The following ANTXRL variants were observed in gnomAD, a reference collection of about 807,000 sequenced individuals.
ANTXRL encodes the protein anthrax toxin receptor-like.
In ANTXRL, 63 loss-of-function variants were observed where a neutral mutation model predicts 75.4. The ratio of observed to expected loss-of-function variants is 0.84; its 90% CI spans 0.68 to 1.03. The LOEUF (loss-of-function observed/expected upper bound fraction) is 1.03, where lower values mean the gene tolerates loss of function less well. Among genes scored for constraint, ANTXRL ranks in the 50% least tolerant of loss-of-function variants. The pLI is 0.00. For synonymous variants in ANTXRL, 335 were observed against 291.3 expected (o/e 1.15, Z -1.53); for missense variants, 797 against 789.4 (o/e 1.01, Z -0.12).
At chr10:46,319,857 T>C (rs929569070) in intron 16 of ANTXRL, among the ~76,000 whole-genome samples, 6 of 152,168 alleles carry the variant, frequency 3.9e-5, no homozygotes, top group African/African-American at 1.4e-4. Flanking sequence ...AAAACAGTAA[T>C]ACCAGCCAGC....
chr10:46,294,330 G>C (rs1289189722), intron 3 of ANTXRL, among the ~76,000 whole-genome samples: 1 of 152,138 alleles, frequency 6.6e-6, no homozygotes, highest in Non-Finnish European at 1.5e-5. Flanking sequence ...CTGGTGGTGG[G>C]AGTAGTGGGG....
chr10:46,294,460 C>G (rs1477554334), intron 3 of ANTXRL, among the ~76,000 whole-genome samples: 1 of 151,920 alleles, frequency 6.6e-6, no homozygotes, highest in Non-Finnish European at 1.5e-5. Context: ...GGCTGGAGCC[C>G]AGGCCCAGCA....
At chr10:46,297,522 C>T in intron 7 of ANTXRL, 48 bp downstream of exon 7, 1 of 1,525,820 alleles carries the variant, frequency 6.6e-7, no homozygotes, top group Non-Finnish European at 8.8e-7. Context: ...CTAGTGGTCA[C>T]TTTCGAGCCA....
chr10:46,288,476 C>T (rs1836851811), intron 1 of ANTXRL, among the ~76,000 whole-genome samples: 1 of 152,104 alleles, frequency 6.6e-6, no homozygotes, highest in African/African-American at 2.4e-5. Flanking sequence ...TCTCATTCCT[C>T]CTGGATACTA....
At chr10:46,306,736 A>G (rs1251742152) in intron 10 of ANTXRL, 67 bp from the exon 11 acceptor site, 5 of 1,358,396 alleles carry the variant, frequency 3.7e-6, no homozygotes, top group African/African-American at 2.9e-5. Flanking sequence ...CATGCTGAGG[A>G]CAGACATGGG....
chr10:46,322,977 C>T (rs1339987081), intron 16 of ANTXRL, among the ~76,000 whole-genome samples: 1 of 152,124 alleles, frequency 6.6e-6, no homozygotes, highest in Non-Finnish European at 1.5e-5. Flanking sequence ...CTGATGGTAA[C>T]CAGGTAGCAG....
At position 46,287,593 on chromosome 10, in the gene ANTXRL, G is replaced by A. The variant is rs114689109; in HGVS notation, c.248+83G>A. The A allele has an allele frequency of 1.6e-4, 238 of 1,449,880 alleles. No individual in the cohort carries two copies. In the African/African-American group the frequency reaches 3.0e-3, roughly 18 times the overall value. The allele number at this position is 1,449,880 out of a possible 1,614,324, so 89.8% of individuals were successfully genotyped here. ...TCACTAGGGACAGGACACCACTCAA[G>A]GAGATGCAAGCTTCCGTCACAGAAG... is the stretch of plus-strand genomic sequence containing the variant. On this transcript the variant is annotated intron_variant, in intron 1 of 16. Transcript: ENST00000620264.
chr10:46,310,527 G>A (rs1292044470), intron 14 of ANTXRL, 28 bp downstream of exon 14: 1 of 1,535,096 alleles, frequency 6.5e-7, no homozygotes, highest in Non-Finnish European at 8.7e-7. Context: ...TCCCGATATT[G>A]TCACATCCCA....
intron 10 of ANTXRL, among the ~76,000 whole-genome samples, chr10:46,304,632 C>A (rs1837961521): frequency 6.6e-6 from 1 of 152,092 alleles, no homozygotes; most frequent in African/African-American, 2.4e-5. Flanking sequence ...CTTTCTTAGC[C>A]CTATTTGTCA....
intron 11 of ANTXRL, 24 bp from the exon 12 acceptor site, chr10:46,307,378 C>T (rs782788224): frequency 6.6e-7 from 1 of 1,511,130 alleles, no homozygotes; most frequent in Non-Finnish European, 8.9e-7. Flanking sequence ...CTGGCTCTCA[C>T]CATCTGCATT....
chr10:46,290,468 A>T (rs1310146653), intron 1 of ANTXRL, among the ~76,000 whole-genome samples: 27 of 152,152 alleles, frequency 1.8e-4, no homozygotes, highest in Non-Finnish European at 5.9e-5. Context: ...TCTTTTTGGT[A>T]TATGCCAGGG....
intron 15 of ANTXRL, among the ~76,000 whole-genome samples, chr10:46,312,721 G>T (rs1385640714): frequency 4.0e-5 from 6 of 148,730 alleles, no homozygotes; most frequent in African/African-American, 1.5e-4. Context: ...CTGCAGCGCC[G>T]AGTGGCCAAG....
intron 2 of ANTXRL, chr10:46,293,241 C>CAT (rs1565014296): frequency 1.4e-5 from 2 of 143,964 alleles, no homozygotes; most frequent in African/African-American, 2.9e-5. Context: ...AGTGTGTATG[C>CAT]ATGTGTGTGG....
At chr10:46,293,944 G>A (rs1203538526) in intron 3 of ANTXRL, 44 bp downstream of exon 3, 1 of 1,516,202 alleles carries the variant, frequency 6.6e-7, no homozygotes, top group Non-Finnish European at 8.8e-7. Context: ...GATGAGCTTG[G>A]CCAGAGGGAG....
chr10:46,327,787 A>G (rs1839297139), intron 16 of ANTXRL, among the ~76,000 whole-genome samples: 1 of 152,136 alleles, frequency 6.6e-6, no homozygotes, highest in African/African-American at 2.4e-5. Flanking sequence ...TCAGGCTGAG[A>G]CTGGCCTGGC....
rs369881470 is a variant in ANTXRL, at chr10:46,293,574, C to CCTGTGTGT, written c.321-255_321-254insCTGTGTGT. Among the ~76,000 whole-genome samples the CCTGTGTGT allele has an allele frequency of 4.2e-3, 614 of 144,864 alleles. 2 individuals are homozygous for CCTGTGTGT. Among genetic ancestry groups the CCTGTGTGT allele is most frequent in the Admixed American group, 0.011 (159 of 14,420 alleles). ...GTGTGTGAGTGTGTGCCTGTGTGTG[C>CCTGTGTGT]GCGTGTGTGTGTGCAAGTGTCTTTG... On this transcript the variant is annotated intron_variant, in intron 2 of 16. Coordinates refer to ENST00000620264, the MANE Select transcript of ANTXRL (RefSeq NM_001278688.3).
chr10:46,302,951 A>T (rs1233555218), intron 10 of ANTXRL, 131 bp downstream of exon 10: 15 of 723,366 alleles, frequency 2.1e-5, no homozygotes, highest in Non-Finnish European at 3.4e-5. Context: ...GGCCATGAGG[A>T]CAAGTGGAAG....
chr10:46,300,404 A>G (rs1200875088), intron 9 of ANTXRL, among the ~76,000 whole-genome samples: 1 of 152,084 alleles, frequency 6.6e-6, no homozygotes, highest in African/African-American at 2.4e-5. Flanking sequence ...CCCCCTGTTT[A>G]GCCCTGGGCC....
chr10:46,293,471 T>C (rs111278480), intron 2 of ANTXRL, among the ~76,000 whole-genome samples: 1 of 135,904 alleles, frequency 7.4e-6, no homozygotes, highest in Non-Finnish European at 1.6e-5. Context: ...AGTGTGTGTG[T>C]ATGCATGTGT....
Sources: allele counts gnomAD v4.1 joint callset (sites outside exome capture counted in the v4.1 genomes callset), GRCh38; gene constraint gnomAD v4.1.1; transcripts MANE v1.5; gene names NCBI Gene and HGNC (gene_info 2026-07-23, HGNC 2026-07-21).